The following DHX29 variants were observed in gnomAD, a reference collection of about 807,000 sequenced individuals.
DHX29 encodes the protein ATP-dependent RNA helicase DHX29.
Under a neutral mutation model 167.9 loss-of-function variants are expected in DHX29, and 79 were observed. The ratio of observed to expected loss-of-function variants is 0.47; its 90% CI spans 0.39 to 0.57. The LOEUF (loss-of-function observed/expected upper bound fraction) is 0.57, where lower values mean the gene tolerates loss of function less well. DHX29 is among the 20% of genes least tolerant of loss of function. DHX29 has a pLI of 0.00. For missense variants in DHX29, 1,347 were observed against 1,593.4 expected, an observed-to-expected ratio of 0.85 and a Z score of 2.63; for synonymous variants, 530 against 546.0, an observed-to-expected ratio of 0.97 and a Z score of 0.41.
intron 17 of DHX29, among the ~76,000 whole-genome samples, chr5:55,272,759 C>A (rs1746914900): frequency 6.6e-6 from 1 of 151,986 alleles, no homozygotes; most frequent in African/African-American, 2.4e-5. Flanking sequence ...AACAAAAAAA[C>A]ATAAGTAGAA....
intron 3 of DHX29, among the ~76,000 whole-genome samples, chr5:55,297,047 T>C (rs1040783714): frequency 1.3e-5 from 2 of 152,210 alleles, no homozygotes; most frequent in Non-Finnish European, 2.9e-5. Context: ...GAATCTAACA[T>C]AGTAGGTGCT....
rs896985115 is a variant in DHX29, at chr5:55,274,656, A to C, written c.2648T>G (p.Leu883Trp). ...FLPGLAHIQQLYDLLSNDRRF... is the reference protein window; with the variant it reads ...FLPGLAHIQQWYDLLSNDRRF... ...TCTATCATTTGATAGAAGATCATAC[A>C]ACTGCTGAATATGAGCAAGTCCTGG... The change falls in exon 16 of 27, where the codon TTG becomes TGG. Residue 883 changes from leucine to tryptophan, a missense_variant. Around this residue, in one of 3 missense-constraint regions of DHX29, gnomAD observed 882 missense variants for 1,082.4 expected, o/e 0.81. Transcript: ENST00000251636. 25 of 1,604,778 alleles carry C rather than the reference A, an allele frequency of 1.6e-5. No individual in the cohort carries two copies. Among genetic ancestry groups the C allele is most frequent in the Admixed American group, 5.2e-5 (3 of 57,874 alleles).
chr5:55,284,016 AATT>A (rs1241986907), intron 10 of DHX29, among the ~76,000 whole-genome samples: 1 of 152,184 alleles, frequency 6.6e-6, no homozygotes, highest in East Asian at 1.9e-4. Context: ...ATTTGACTCA[AATT>A]ATTATTACTT....
chr5:55,285,734 G>C lies in DHX29; in HGVS notation c.1194C>G (p.Ser398=). ...RKNLPKSPNP[S]FEKVPVGRYW... ...ATCTACCTACTGGAACTTTTTCAAA[G>C]GAAGGATTTGGACTCTTGGGAAGAT... The change falls in exon 9 of 27, where the codon TCC becomes TCG. Residue 398 remains serine, a synonymous_variant. Transcript: ENST00000251636. 6.3e-7 allele frequency: 1 copy of C among 1,587,316 alleles called. No individual in the cohort carries two copies. The highest frequency in any genetic ancestry group is 8.6e-7 in the Non-Finnish European group (1 of 1,164,390).
Position 55,299,207 on chromosome 5 carries a change from C to T in DHX29, c.188-543G>A, listed in dbSNP as rs1168163276. Among the ~76,000 whole-genome samples, 4 of 152,276 alleles carry T rather than the reference C, an allele frequency of 2.6e-5. No homozygotes were observed. In the East Asian group the frequency reaches 5.8e-4, roughly 22 times the overall value. Reference sequence around the variant, plus strand: ...ATGTTAACCAGTTTCTCATAAAATGCAAATGCCTACATATCTTTTAGGTTA... The same window carrying T: ...ATGTTAACCAGTTTCTCATAAAATGTAAATGCCTACATATCTTTTAGGTTA... On this transcript the variant is annotated intron_variant, in intron 1 of 26. Transcript: ENST00000251636.
rs550237034 is a variant in DHX29 at position 55,256,552 on chromosome 5, GAA to G, written c.4058-14_4058-13del. On this transcript the variant is annotated splice_polypyrimidine_tract_variant and intron_variant, in intron 26 of 26. Coordinates refer to ENST00000251636, the MANE Select transcript of DHX29 (RefSeq NM_019030.4). ...CAGAATCTTGTCATCTGAGTGGAAG[GAA>G]AAAAAAAAGCCACGAATAAATGCAA... is the stretch of plus-strand genomic sequence containing the variant. The G allele has an allele frequency of 2.6e-5, 37 of 1,423,032 alleles. No homozygotes were observed. In the African/African-American group the frequency reaches 3.2e-4, roughly 12 times the overall value. The allele number at this position is 1,423,032 out of a possible 1,614,324, so 88.2% of individuals were successfully genotyped here. A position where few individuals can be genotyped will look rare whatever the true frequency, so the allele number is the denominator to read the frequency against.
At position 55,281,443 on chromosome 5, in the gene DHX29, T is replaced by C; in HGVS notation, c.2038A>G (p.Thr680Ala). ...CESTRLLYCTTGVLLRKLQED... is the reference protein window; with the variant it reads ...CESTRLLYCTAGVLLRKLQED... The stretch of plus-strand genomic sequence containing the variant: ...TGAAGTTTCCTTAGCAAAACCCCTG[T>C]TGTACAATAGAGTAACCTGGTAGAT... Residue 680 changes from threonine (T) to alanine (A), a missense_variant, in exon 12 of 27, where the codon ACA becomes GCA. Physicochemically the swap from Thr to Ala is moderately conservative, Grantham distance 58 (BLOSUM62 0). Coordinates refer to ENST00000251636, the MANE Select transcript of DHX29 (RefSeq NM_019030.4). 3 of 1,601,914 alleles carry C rather than the reference T, an allele frequency of 1.9e-6. No homozygotes were observed. Among genetic ancestry groups the C allele is most frequent in the Non-Finnish European group, 2.6e-6 (3 of 1,173,984 alleles).
intron 12 of DHX29, chr5:55,279,510 TTTTG>T (rs1384956103): frequency 6.6e-6 from 1 of 151,976 alleles, no homozygotes; most frequent in Non-Finnish European, 1.5e-5. Flanking sequence ...AATAAGGATT[TTTTG>T]TTTGTTATTT....
At chr5:55,284,047 T>C (rs1361360042) in intron 10 of DHX29, among the ~76,000 whole-genome samples, 1 of 152,216 alleles carries the variant, frequency 6.6e-6, no homozygotes, top group East Asian at 1.9e-4. Flanking sequence ...TGTATGTGTA[T>C]GATGCAAATT....
rs986947906 is a variant in DHX29, at chr5:55,273,314, A to G, written c.2754T>C (p.Leu918=). The change falls in exon 17 of 27, where the codon CTT becomes CTC. Residue 918 remains leucine, a synonymous_variant. Coordinates refer to ENST00000251636, the MANE Select transcript of DHX29 (RefSeq NM_019030.4). The stretch of plus-strand genomic sequence containing the variant: ...TTACCTTCCTGACTCCTGGAGGGGG[A>G]AGTGTGAATGCTGCAGCTTGATCTT... The part of the protein sequence containing the change: ...STQDQAAAFT[L]PPPGVRKIVL... 1.3e-6 allele frequency: 2 copies of G among 1,597,360 alleles called. No homozygotes were observed. Among genetic ancestry groups the G allele is most frequent in the African/African-American group, 1.3e-5 (1 of 74,668 alleles).
At chr5:55,278,153 T>C (rs535168142) in intron 12 of DHX29, among the ~76,000 whole-genome samples, 1 of 152,338 alleles carries the variant, frequency 6.6e-6, no homozygotes, top group Non-Finnish European at 1.5e-5. Context: ...GGATGAGGTA[T>C]ACTGTCAGAA....
chr5:55,262,255 C>G (rs1746346455), intron 24 of DHX29, among the ~76,000 whole-genome samples: 1 of 152,150 alleles, frequency 6.6e-6, no homozygotes, highest in Non-Finnish European at 1.5e-5. Flanking sequence ...ATCCACAGTT[C>G]TACTACACCA....
chr5:55,274,907 TTA>T lies in DHX29; in HGVS notation c.2529_2530del (p.His843GlnfsTer16). 1.2e-6 allele frequency: 2 copies of T among 1,613,764 alleles called. No homozygotes were observed. Among genetic ancestry groups the T allele is most frequent in the African/African-American group, 2.7e-5 (2 of 75,036 alleles). On this transcript the variant is annotated frameshift_variant, in exon 15 of 27. Coordinates refer to ENST00000251636, the MANE Select transcript of DHX29 (RefSeq NM_019030.4). LOFTEE classifies it high-confidence loss of function. ...TTCCAAAATGAGATCCAGGTTGATT[TTA>T]TGAGGATTCATGTATAGAATAGCAT...
At chr5:55,284,677 GC>G (rs1373738008) in intron 10 of DHX29, among the ~76,000 whole-genome samples, 1 of 152,196 alleles carries the variant, frequency 6.6e-6, no homozygotes, top group Non-Finnish European at 1.5e-5. Context: ...CTCTTAAAGA[GC>G]TTCCTTCAGT....
intron 23 of DHX29, among the ~76,000 whole-genome samples, chr5:55,265,314 GC>G (rs1248976368): frequency 1.3e-5 from 2 of 150,368 alleles, no homozygotes; most frequent in African/African-American, 4.9e-5. Context: ...GATGAACCTA[GC>G]TGACCCCATT....
intron 10 of DHX29, 79 bp downstream of exon 10, chr5:55,285,214 C>G: frequency 6.5e-7 from 1 of 1,545,498 alleles, no homozygotes; most frequent in Non-Finnish European, 8.8e-7. Context: ...TCAGAAGAAA[C>G]AGTCAATAAA....
intron 22 of DHX29, 31 bp from the exon 23 acceptor site, chr5:55,267,262 A>G: frequency 6.6e-7 from 1 of 1,513,648 alleles, no homozygotes; most frequent in Non-Finnish European, 9.2e-7. Flanking sequence ...TTAATGAATA[A>G]AGTTCACCAT....
chr5:55,269,578 G>A lies in DHX29; in HGVS notation c.3129C>T (p.Leu1043=), dbSNP rs369316239. 10 of 1,613,984 alleles carry A rather than the reference G, an allele frequency of 6.2e-6. No individual in the cohort carries two copies. The highest frequency in any genetic ancestry group is 8.5e-6 in the Non-Finnish European group (10 of 1,180,030). Residue 1043 remains leucine, a synonymous_variant, in exon 21 of 27, where the codon CTC becomes CTT. Coordinates refer to ENST00000251636, the MANE Select transcript of DHX29 (RefSeq NM_019030.4). ...FLSKALDPPQ[L]QVISNAMNLL... ...AATTCATTGCATTGCTGATCACTTG[G>A]AGCTGAGGAGGATCTAAGGCTTTGG... is the stretch of plus-strand genomic sequence containing the variant.
chr5:55,262,495 T>A lies in DHX29; in HGVS notation c.3828+135A>T, dbSNP rs1746356929. ...TTTGTTTGAGAAGCTATGTGCATCT[T>A]GATTTCAAATATTAACAAAAATGAA... On this transcript the variant is annotated intron_variant, in intron 24 of 26. Coordinates refer to ENST00000251636, the MANE Select transcript of DHX29 (RefSeq NM_019030.4). 2.6e-6 allele frequency: 3 copies of A among 1,160,768 alleles called. No homozygotes were observed. In the East Asian group the frequency reaches 7.1e-5, roughly 28 times the overall value. The allele number at this position is 1,160,768 out of a possible 1,614,324, so 71.9% of individuals were successfully genotyped here.
Sources: allele counts gnomAD v4.1 joint callset (sites outside exome capture counted in the v4.1 genomes callset), GRCh38; gene constraint gnomAD v4.1.1; regional missense constraint gnomAD v4.1.1; transcripts MANE v1.5; gene names NCBI Gene and HGNC (gene_info 2026-07-23, HGNC 2026-07-21).